RBM33: variants seen among roughly 807,000 people sequenced by gnomAD.
RBM33 encodes the protein RNA binding motif protein 33, also known as RNA-binding protein 33.
In RBM33, 28 loss-of-function variants were observed where a neutral mutation model predicts 132.6. That is an observed-to-expected ratio of 0.21 (90% CI 0.16 to 0.29). The LOEUF (loss-of-function observed/expected upper bound fraction) is 0.29, where lower values mean the gene tolerates loss of function less well. Among genes scored for constraint, RBM33 ranks in the 10% least tolerant of loss-of-function variants. The pLI is 1.00. For synonymous variants in RBM33, 634 were observed against 593.0 expected (o/e 1.07, Z -1.01); for missense variants, 1,291 against 1,518.5 (o/e 0.85, Z 2.49).
intron 9 of RBM33, among the ~76,000 whole-genome samples, chr7:155,733,701 C>T (rs778143863): frequency 2.6e-5 from 4 of 152,170 alleles, no homozygotes; most frequent in South Asian, 2.1e-4. Context: ...AGTCACTGTA[C>T]GGTAGGGAGT....
chr7:155,694,943 A>G (rs1459694619), intron 5 of RBM33, among the ~76,000 whole-genome samples: 1 of 152,204 alleles, frequency 6.6e-6, no homozygotes, highest in African/African-American at 2.4e-5. Flanking sequence ...GAGACGGTCT[A>G]GAGGTATGTT....
At chr7:155,665,341 G>A (rs1798773127) in intron 2 of RBM33, 88 bp downstream of exon 2, 35 of 1,153,576 alleles carry the variant, frequency 3.0e-5, no homozygotes, top group Non-Finnish European at 4.3e-5. Flanking sequence ...ACTGAACGCA[G>A]CACCTTGACT....
At chr7:155,739,285 C>T (rs1801238356) in intron 11 of RBM33, 1 of 153,686 alleles carries the variant, frequency 6.5e-6, no homozygotes, top group African/African-American at 2.4e-5. Flanking sequence ...TGCTTTTTCC[C>T]TCCAGTGTCA....
Position 155,683,103 on chromosome 7 carries a change from G to C in RBM33, c.567+2195G>C, listed in dbSNP as rs1799380975. On this transcript the variant is annotated intron_variant, in intron 5 of 17. Transcript: ENST00000401878. ...AGCAGTAGTAGTTCAATGTCTTTCTGTGAGCAATGTCAGTTCATCTTGATA... is the reference window on the plus strand; with the variant it reads ...AGCAGTAGTAGTTCAATGTCTTTCTCTGAGCAATGTCAGTTCATCTTGATA... Among the ~76,000 whole-genome samples the C allele has an allele frequency of 2.0e-5, 3 of 151,892 alleles. No homozygotes were observed. The South Asian group carries it at 6.2e-4, about 31-fold the overall frequency.
chr7:155,717,279 C>T (rs1416636628), intron 8 of RBM33, among the ~76,000 whole-genome samples: 1 of 152,106 alleles, frequency 6.6e-6, no homozygotes, highest in African/African-American at 2.4e-5. Context: ...GAGGTGTGGG[C>T]AGGGCAGCTT....
chr7:155,723,723 A>T (rs1222450935), intron 9 of RBM33, among the ~76,000 whole-genome samples: 1 of 152,180 alleles, frequency 6.6e-6, no homozygotes, highest in African/African-American at 2.4e-5. Context: ...CTAATTAGTC[A>T]AAGGCCAGGG....
intron 9 of RBM33, among the ~76,000 whole-genome samples, chr7:155,725,203 GTTTTTTTTTT>G (rs59050644): frequency 8.6e-5 from 9 of 105,194 alleles, no homozygotes; most frequent in East Asian, 2.7e-4. Flanking sequence ...TTTTTTAGTT[GTTTTTTTTTT>G]TTTTTTTTTT....
chr7:155,661,774 G>A (rs1798657054), intron 1 of RBM33, among the ~76,000 whole-genome samples: 2 of 152,012 alleles, frequency 1.3e-5, no homozygotes, highest in South Asian at 4.1e-4. Flanking sequence ...TTTGATCATG[G>A]TTTCATTTAA....
chr7:155,694,457 G>A (rs538272562), intron 5 of RBM33, among the ~76,000 whole-genome samples: 61 of 152,296 alleles, frequency 4.0e-4, no homozygotes, highest in African/African-American at 1.5e-3. Context: ...TTGTGAAATG[G>A]TGATAATGTT....
intron 1 of RBM33, among the ~76,000 whole-genome samples, chr7:155,655,534 C>CTTTTTT (rs756948005): frequency 4.9e-4 from 39 of 80,112 alleles, no homozygotes; most frequent in South Asian, 5.8e-4. Flanking sequence ...GGCTGTTTGC[C>CTTTTTT]TTTTTTTTTT....
intron 11 of RBM33, chr7:155,739,033 T>C (rs1444365420): frequency 6.6e-6 from 1 of 152,440 alleles, no homozygotes; most frequent in Non-Finnish European, 1.5e-5. Flanking sequence ...GAATCAACTA[T>C]TTAAAAATAC....
chr7:155,666,830 T>TA (rs1563134369), intron 2 of RBM33, among the ~76,000 whole-genome samples: 1 of 152,220 alleles, frequency 6.6e-6, no homozygotes, highest in African/African-American at 2.4e-5. Context: ...TGTGTTTCCT[T>TA]AAAAAATAGT....
At chr7:155,755,414 A>C (rs956977927) in intron 14 of RBM33, among the ~76,000 whole-genome samples, 2 of 152,278 alleles carry the variant, frequency 1.3e-5, no homozygotes, top group African/African-American at 4.8e-5. Context: ...AGAGGTTTTC[A>C]TAATACCTTT....
At chr7:155,771,343 A>G (rs750356738) in intron 16 of RBM33, among the ~76,000 whole-genome samples, 1 of 152,206 alleles carries the variant, frequency 6.6e-6, no homozygotes, top group Non-Finnish European at 1.5e-5. Flanking sequence ...ATGGTTGAAT[A>G]TTGACAATTT....
chr7:155,706,136 G>A lies in RBM33; in HGVS notation c.740-724G>A, dbSNP rs147075037. 1.0e-2 allele frequency among the ~76,000 whole-genome samples: 1,522 copies of A among 152,298 alleles called. 13 individuals carry two copies. Among genetic ancestry groups the A allele is most frequent in the Non-Finnish European group, 0.016 (1,095 of 68,024 alleles). On this transcript the variant is annotated intron_variant, in intron 6 of 17. Transcript: ENST00000401878. Reference sequence around the variant, plus strand: ...TTAATAGCTCTACTGGCTTCAGTAAGAAAATCATACTGCTGTAGGACTGGT... The same window carrying A: ...TTAATAGCTCTACTGGCTTCAGTAAAAAAATCATACTGCTGTAGGACTGGT...
chr7:155,773,526 C>T (rs1046894012), intron 16 of RBM33, among the ~76,000 whole-genome samples: 6 of 141,278 alleles, frequency 4.2e-5, no homozygotes, highest in African/African-American at 1.6e-4. Flanking sequence ...TGAGATCCTG[C>T]CATTGCACAC....
intron 9 of RBM33, among the ~76,000 whole-genome samples, chr7:155,724,991 TG>T (rs58507253): frequency 0.31 from 16,144 of 51,532 alleles, 1,743 homozygotes; most frequent in African/African-American, 0.52. Flanking sequence ...TGTACAGGTT[TG>T]TGTGTGTGTG....
At chr7:155,668,704 C>T (rs1026989614) in intron 2 of RBM33, among the ~76,000 whole-genome samples, 5 of 152,144 alleles carry the variant, frequency 3.3e-5, no homozygotes, top group Non-Finnish European at 7.4e-5. Flanking sequence ...TGAGTCTTTC[C>T]TGTTGTTTAC....
rs1802712048 is a variant in RBM33, at chr7:155,778,862, G to C, written c.*3821G>C. ...AGACGCTTGTCGAAGGCAGGTCCTA[G>C]TCATGTAATTGCACAGGACAAGGAG... is the stretch of plus-strand genomic sequence containing the variant. On this transcript the variant is annotated 3_prime_UTR_variant, in exon 18 of 18. Transcript: ENST00000401878. The surrounding 1 kb of genome is among the most constrained non-coding windows in gnomAD (Gnocchi z 4.0). The C allele has an allele frequency of 1.3e-5, 2 of 153,046 alleles. No homozygotes were observed. The allele number at this position is 153,046 out of a possible 1,614,324, so 9.5% of individuals were successfully genotyped here. A position where few individuals can be genotyped will look rare whatever the true frequency, so the allele number is the denominator to read the frequency against.
Sources: gnomAD v4.1 joint callset for allele counts (sites outside exome capture counted in the v4.1 genomes callset) on GRCh38, gnomAD v4.1.1 for gene constraint, Gnocchi (gnomAD v3.1) non-coding constraint, MANE v1.5 for transcripts, NCBI Gene and HGNC (gene_info 2026-07-23, HGNC 2026-07-21) for gene names.